Variants in LRP1B observed in about 807,000 individuals in gnomAD.
LRP1B encodes LDL receptor related protein 1B, also known as low-density lipoprotein receptor-related protein 1B.
A neutral mutation model predicts 556.6 loss-of-function variants in LRP1B; 217 were observed. The ratio of observed to expected loss-of-function variants is 0.39; its 90% CI spans 0.35 to 0.44. The LOEUF (loss-of-function observed/expected upper bound fraction) is 0.44, where lower values mean the gene tolerates loss of function less well. Among genes scored for constraint, LRP1B ranks in the 20% least tolerant of loss-of-function variants. The pLI is 1.00. For missense variants in LRP1B, 5,053 were observed against 5,620.8 expected (o/e 0.90, Z 3.23); for synonymous variants, 2,047 against 1,865.8 (o/e 1.10, Z -2.50).
chr2:141,925,607 C>T (rs1404572969), intron 1 of LRP1B, among the ~76,000 whole-genome samples: 1 of 152,200 alleles, frequency 6.6e-6, no homozygotes, highest in Non-Finnish European at 1.5e-5. Flanking sequence ...TTGAAACCAG[C>T]AGGAGACTAT....
intron 23 of LRP1B, among the ~76,000 whole-genome samples, chr2:140,902,219 G>T (rs1419012806): frequency 6.6e-6 from 1 of 152,110 alleles, no homozygotes; most frequent in African/African-American, 2.4e-5. Flanking sequence ...CTCAGACTAA[G>T]AATCTAGAAA....
rs750586052 is a variant in LRP1B at position 140,233,335 on chromosome 2, GA to G, written c.13660-10del. The G allele has an allele frequency of 3.0e-5, 47 of 1,552,730 alleles. No homozygotes were observed. Among genetic ancestry groups the G allele is most frequent in the African/African-American group, 1.3e-4 (9 of 71,512 alleles). On this transcript the variant is annotated splice_polypyrimidine_tract_variant and intron_variant, in intron 90 of 90. Transcript: ENST00000389484. ...TTGGAGTAATTTGTTGGCTGAAGGA[GA>G]AAAAAAATAAATATAATTTTATTAC... is the stretch of plus-strand genomic sequence containing the variant.
At chr2:140,554,845 A>AGTGT (rs1259537503) in intron 43 of LRP1B, among the ~76,000 whole-genome samples, 18 of 125,650 alleles carry the variant, frequency 1.4e-4, no homozygotes, top group Middle Eastern at 3.8e-3. Context: ...CTTCTTTTAA[A>AGTGT]GTGTGTGTAT....
intron 81 of LRP1B, 125 bp from the exon 82 acceptor site, chr2:140,322,213 C>CATCAGTGGAAA: frequency 8.7e-6 from 8 of 915,542 alleles, no homozygotes; most frequent in Non-Finnish European, 1.2e-5. Flanking sequence ...TAAATTTCCA[C>CATCAGTGGAAA]TGATGTGGAG....
intron 2 of LRP1B, among the ~76,000 whole-genome samples, chr2:141,502,585 G>A (rs1023797838): frequency 2.6e-5 from 4 of 152,146 alleles, no homozygotes; most frequent in African/African-American, 7.2e-5. Flanking sequence ...AGCTGGCTGG[G>A]CGCAGTGGCT....
chr2:141,269,832 TAGCAGACAAAGACTTCAAATC>T (rs1209319326), intron 3 of LRP1B, among the ~76,000 whole-genome samples: 4 of 152,166 alleles, frequency 2.6e-5, no homozygotes, highest in Non-Finnish European at 2.9e-5. Context: ...ATGTTGAAAT[TAGCAGACAAAGACTTCAAATC>T]AGCTATTATA....
At chr2:141,267,582 A>G (rs1684936786) in intron 3 of LRP1B, among the ~76,000 whole-genome samples, 1 of 152,162 alleles carries the variant, frequency 6.6e-6, no homozygotes, top group Non-Finnish European at 1.5e-5. Flanking sequence ...AGTTATTAAT[A>G]ATAAAATAAC....
At chr2:141,598,051 C>T (rs979861733) in intron 2 of LRP1B, among the ~76,000 whole-genome samples, 11 of 150,740 alleles carry the variant, frequency 7.3e-5, no homozygotes, top group Admixed American at 2.7e-4. Flanking sequence ...CAGAAGCTCA[C>T]GGGAAATTTA....
At chr2:142,017,812 G>A (rs537030331) in intron 1 of LRP1B, among the ~76,000 whole-genome samples, 4 of 152,180 alleles carry the variant, frequency 2.6e-5, no homozygotes, top group South Asian at 2.1e-4. Context: ...AACCCAGAAG[G>A]TCAAGGGCAC....
At chr2:140,483,838 G>T (rs976489704) in intron 59 of LRP1B, among the ~76,000 whole-genome samples, 1 of 151,050 alleles carries the variant, frequency 6.6e-6, no homozygotes. Context: ...ATGGGGTTTC[G>T]CCATGGTGGC....
chr2:141,237,008 G>T (rs755803660), intron 5 of LRP1B, among the ~76,000 whole-genome samples: 4 of 152,162 alleles, frequency 2.6e-5, no homozygotes, highest in Non-Finnish European at 5.9e-5. Flanking sequence ...ACAGGTATCA[G>T]ATATCTGAAT....
At chr2:140,670,823 C>T (rs1356612900) in intron 41 of LRP1B, among the ~76,000 whole-genome samples, 1 of 151,984 alleles carries the variant, frequency 6.6e-6, no homozygotes, top group African/African-American at 2.4e-5. Context: ...TTAAGGGGAT[C>T]GAAAATGGCA....
At chr2:142,100,115 A>T (rs1706518294) in intron 1 of LRP1B, among the ~76,000 whole-genome samples, 1 of 151,918 alleles carries the variant, frequency 6.6e-6, no homozygotes, top group South Asian at 2.1e-4. Flanking sequence ...TGATAAGAGC[A>T]TTGTATTTTT....
chr2:141,481,078 T>C (rs1268953659), intron 2 of LRP1B, among the ~76,000 whole-genome samples: 4 of 152,198 alleles, frequency 2.6e-5, no homozygotes, highest in Admixed American at 6.5e-5. Flanking sequence ...ACTTCTATTG[T>C]TTAAAAATCT....
intron 3 of LRP1B, among the ~76,000 whole-genome samples, chr2:141,334,988 T>C (rs1381200617): frequency 6.6e-6 from 1 of 152,236 alleles, no homozygotes; most frequent in African/African-American, 2.4e-5. Flanking sequence ...ATCTTATACT[T>C]TTTTCAGTTA....
chr2:140,924,435 T>C (rs1166713851), intron 20 of LRP1B, among the ~76,000 whole-genome samples: 2 of 152,048 alleles, frequency 1.3e-5, no homozygotes, highest in African/African-American at 4.8e-5. Flanking sequence ...TTAAAGACGT[T>C]CAGCAATTAT....
chr2:141,161,565 C>G (rs950214294), intron 7 of LRP1B, among the ~76,000 whole-genome samples: 1 of 152,128 alleles, frequency 6.6e-6, no homozygotes, highest in African/African-American at 2.4e-5. Flanking sequence ...CACTTCCACA[C>G]CTTTGTAAAG....
intron 31 of LRP1B, among the ~76,000 whole-genome samples, chr2:140,814,054 A>G (rs1691021359): frequency 6.6e-6 from 1 of 152,184 alleles, no homozygotes; most frequent in African/African-American, 2.4e-5. Flanking sequence ...AGCTCACTGC[A>G]GCCTCAGACT....
At chr2:141,488,317 A>G (rs1250523930) in intron 2 of LRP1B, among the ~76,000 whole-genome samples, 3 of 152,204 alleles carry the variant, frequency 2.0e-5, no homozygotes, top group Non-Finnish European at 4.4e-5. Context: ...TATGTAAAGC[A>G]TAAGATGTCC....
Sources: gnomAD v4.1 joint callset for allele counts (sites outside exome capture counted in the v4.1 genomes callset) on GRCh38, gnomAD v4.1.1 for gene constraint, MANE v1.5 for transcripts, NCBI Gene and HGNC (gene_info 2026-07-23, HGNC 2026-07-21) for gene names.